The following GRHL2 variants were observed in gnomAD, a reference collection of about 807,000 sequenced individuals.
GRHL2 encodes the protein grainyhead like transcription factor 2.
Under a neutral mutation model 83.8 loss-of-function variants are expected in GRHL2, and 21 were observed. The ratio of observed to expected loss-of-function variants is 0.25; its 90% CI spans 0.18 to 0.36. The LOEUF is 0.36. Ranked by LOEUF, GRHL2 falls within the 10% of genes least tolerant of loss-of-function variation. The pLI, the probability that GRHL2 is intolerant of heterozygous loss-of-function variation, is 1.00. For missense variants in GRHL2, 623 were observed against 781.8 expected, an observed-to-expected ratio of 0.80 and a Z score of 2.42; for synonymous variants, 280 against 278.9, an observed-to-expected ratio of 1.00 and a Z score of -0.04.
chr8:101,616,492 C>T (rs1392468919), intron 8 of GRHL2, among the ~76,000 whole-genome samples: 1 of 152,116 alleles, frequency 6.6e-6, no homozygotes, highest in Non-Finnish European at 1.5e-5. Flanking sequence ...TCTCAGTAGT[C>T]TTTGTCACTC....
chr8:101,570,156 G>A (rs1272538591), intron 4 of GRHL2, among the ~76,000 whole-genome samples, 183 bp from the exon 5 acceptor site: 1 of 152,204 alleles, frequency 6.6e-6, no homozygotes, highest in East Asian at 1.9e-4. Context: ...GTTGAGTGTA[G>A]CTCTCAGTGA....
At chr8:101,617,227 A>C (rs947452390) in intron 8 of GRHL2, among the ~76,000 whole-genome samples, 5 of 152,100 alleles carry the variant, frequency 3.3e-5, no homozygotes, top group African/African-American at 4.8e-5. Flanking sequence ...GTTTTCAGGC[A>C]GTGGCTGGCA....
chr8:101,681,189 TAAAGAAGA>T, the GRHL2 span, among the ~76,000 whole-genome samples: 6 of 135,920 alleles, frequency 4.4e-5, no homozygotes, highest in South Asian at 1.0e-3. Flanking sequence ...GCAAGACTAA[TAAAGAAGA>T]AAAGAGAGAA....
intron 7 of GRHL2, among the ~76,000 whole-genome samples, chr8:101,595,357 A>T (rs1318771954): frequency 6.6e-6 from 1 of 152,208 alleles, no homozygotes; most frequent in East Asian, 1.9e-4. Flanking sequence ...AAAACCTCAT[A>T]ATGTTGTAAC....
At chr8:101,589,120 GC>G (rs1291419929) in intron 7 of GRHL2, among the ~76,000 whole-genome samples, 2 of 152,166 alleles carry the variant, frequency 1.3e-5, no homozygotes, top group African/African-American at 2.4e-5. Flanking sequence ...TTAGACAACA[GC>G]ATGAAGAATG....
chr8:101,573,038 C>G (rs73701931), intron 5 of GRHL2, among the ~76,000 whole-genome samples: 13,673 of 152,146 alleles, frequency 0.09, 770 homozygotes, highest in African/African-American at 0.15. Context: ...TGGATTTGGC[C>G]TATGGGCCAT....
chr8:101,615,634 C>A (rs1812839030), intron 8 of GRHL2, among the ~76,000 whole-genome samples: 1 of 152,208 alleles, frequency 6.6e-6, no homozygotes, highest in Non-Finnish European at 1.5e-5. Context: ...TGACATACAA[C>A]TGCATTTTAT....
rs754290874 is a variant in GRHL2, at chr8:101,558,593, G to A, written c.459G>A (p.Ser153=). Reference sequence around the variant, plus strand: ...AGAGCTCTGCCATCATCCCGGTGTCGGGAATCACGGTGGTGAAAGCTGAAG... The same window carrying A: ...AGAGCTCTGCCATCATCCCGGTGTCAGGAATCACGGTGGTGAAAGCTGAAG... ...FPESSAIIPV[S]GITVVKAEDF... The change falls in exon 4 of 16, where the codon TCG becomes TCA. Residue 153 remains serine, a synonymous_variant. Coordinates refer to ENST00000646743, the MANE Select transcript of GRHL2 (RefSeq NM_024915.4). 1.2e-5 allele frequency: 20 copies of A among 1,614,054 alleles called. No individual in the cohort carries two copies. The highest frequency in any genetic ancestry group is 2.2e-5 in the East Asian group (1 of 44,876).
chr8:101,652,339 GTA>G (rs1241684729), intron 14 of GRHL2, among the ~76,000 whole-genome samples: 8,172 of 100,648 alleles, frequency 0.081, 386 homozygotes, highest in African/African-American at 0.14. Flanking sequence ...TGGTGTGTGT[GTA>G]TGTGTGTGGT....
intron 9 of GRHL2, among the ~76,000 whole-genome samples, chr8:101,623,414 AACAGTTC>A (rs550235936): frequency 1.7e-3 from 259 of 151,220 alleles, no homozygotes; most frequent in African/African-American, 6.0e-3. Flanking sequence ...TACACAGTAG[AACAGTTC>A]ACAGTGCACA....
At chr8:101,591,764 A>G (rs1221613483) in intron 7 of GRHL2, among the ~76,000 whole-genome samples, 1 of 152,190 alleles carries the variant, frequency 6.6e-6, no homozygotes, top group African/African-American at 2.4e-5. Flanking sequence ...CAGAGGTGAT[A>G]AAGGCTTCAC....
rs1469907509 is a variant in GRHL2, at chr8:101,636,888, G to T, written c.1486-9G>T. The T allele has an allele frequency of 1.2e-6, 2 of 1,612,734 alleles. No individual in the cohort carries two copies. Among genetic ancestry groups the T allele is most frequent in the African/African-American group, 1.3e-5 (1 of 74,910 alleles). ...TGACCTACAGTAAGCCTATTGTTTT[G>T]TTCCACAGGTGTATTACAACACGGA... On this transcript the variant is annotated splice_polypyrimidine_tract_variant and intron_variant, in intron 11 of 15. Transcript: ENST00000646743.
intron 1 of GRHL2, among the ~76,000 whole-genome samples, chr8:101,522,522 C>A (rs1810706396): frequency 6.6e-6 from 1 of 151,292 alleles, no homozygotes; most frequent in South Asian, 2.1e-4. Flanking sequence ...TGAATTATTT[C>A]AGTGTTAACA....
intron 4 of GRHL2, among the ~76,000 whole-genome samples, chr8:101,569,537 G>A (rs760518042): frequency 4.6e-5 from 7 of 152,164 alleles, no homozygotes; most frequent in Non-Finnish European, 5.9e-5. Flanking sequence ...TGACGTGATC[G>A]TAGCTCACTG....
chr8:101,602,737 C>G (rs1306347342), intron 8 of GRHL2, among the ~76,000 whole-genome samples: 1 of 152,228 alleles, frequency 6.6e-6, no homozygotes, highest in Admixed American at 6.5e-5. Context: ...CATTCTGGAA[C>G]TTTCCCTACC....
At chr8:101,569,739 G>C (rs1056350504) in intron 4 of GRHL2, among the ~76,000 whole-genome samples, 3 of 152,130 alleles carry the variant, frequency 2.0e-5, no homozygotes, top group Non-Finnish European at 4.4e-5. Flanking sequence ...CCAAAGTGCG[G>C]GATTACAGGC....
chr8:101,662,196 C>T lies in GRHL2; in HGVS notation c.1699-2258C>T, dbSNP rs1813935925. Among the ~76,000 whole-genome samples, 3 of 152,322 alleles carry T rather than the reference C, an allele frequency of 2.0e-5. No homozygotes were observed. The South Asian group carries it at 6.2e-4, about 32-fold the overall frequency. On this transcript the variant is annotated intron_variant, in intron 14 of 15. Transcript: ENST00000646743. ...CGAATTGATGCCTCCAACAGAAGTT[C>T]TGCCAATTTTCTTTGCAGTTCAAAG...
intron 1 of GRHL2, among the ~76,000 whole-genome samples, chr8:101,539,807 G>A (rs139188591): frequency 0.014 from 2,185 of 152,244 alleles, 31 homozygotes; most frequent in Non-Finnish European, 0.022. Context: ...CTTCAGCTTT[G>A]TTTAGAAATG....
rs746967102 is a variant in GRHL2 at position 101,558,600 on chromosome 8, A to G, written c.466A>G (p.Thr156Ala). 1.9e-6 allele frequency: 3 copies of G among 1,614,104 alleles called. No individual in the cohort carries two copies. Among genetic ancestry groups the G allele is most frequent in the Admixed American group, 1.7e-5 (1 of 60,010 alleles). The change falls in exon 4 of 16, where the codon ACG (threonine) becomes GCG (alanine). Residue 156 changes from threonine (T) to alanine (A), a missense_variant. Thr to Ala is a moderately conservative substitution (Grantham distance 58, BLOSUM62 0). Transcript: ENST00000646743. ...SSAIIPVSGI[T>A]VVKAEDFTPV... ...TGCCATCATCCCGGTGTCGGGAATC[A>G]CGGTGGTGAAAGCTGAAGATTTCAC...
Sources: gnomAD v4.1 joint callset for allele counts (sites outside exome capture counted in the v4.1 genomes callset) on GRCh38, gnomAD v4.1.1 for gene constraint, MANE v1.5 for transcripts, NCBI Gene and HGNC (gene_info 2026-07-23, HGNC 2026-07-21) for gene names.